CTNNA3: variants seen among roughly 807,000 people sequenced by gnomAD.
CTNNA3 encodes the protein catenin alpha 3, also known as catenin alpha-3.
In CTNNA3, 76 loss-of-function variants were observed where a neutral mutation model predicts 95.7. The ratio of observed to expected loss-of-function variants is 0.79; its 90% confidence interval spans 0.66 to 0.96. The LOEUF is 0.96. Among genes scored for constraint, CTNNA3 ranks in the 40% least tolerant of loss-of-function variants. CTNNA3 has a pLI of 0.00. For missense variants in CTNNA3, 1,191 were observed against 1,089.8 expected (o/e 1.09, Z -1.31); for synonymous variants, 431 against 374.4 (o/e 1.15, Z -1.74).
intron 9 of CTNNA3, among the ~76,000 whole-genome samples, chr10:66,623,558 C>A (rs952227689): frequency 6.6e-6 from 1 of 152,026 alleles, no homozygotes; most frequent in South Asian, 2.1e-4. Context: ...TTATACAACC[C>A]TCTAATGAAA....
At chr10:66,481,722 C>T (rs1211558566) in intron 11 of CTNNA3, among the ~76,000 whole-genome samples, 3 of 134,308 alleles carry the variant, frequency 2.2e-5, no homozygotes, top group African/African-American at 6.9e-5. Flanking sequence ...CCACCCGCCT[C>T]GGCCTCCCAA....
At chr10:67,610,843 G>C (rs1843432979) in intron 2 of CTNNA3, among the ~76,000 whole-genome samples, 1 of 152,190 alleles carries the variant, frequency 6.6e-6, no homozygotes, top group Admixed American at 6.5e-5. Context: ...TTTTGCCATA[G>C]ATACAAAACC....
intron 11 of CTNNA3, among the ~76,000 whole-genome samples, chr10:66,469,291 A>C (rs1349663771): frequency 6.6e-6 from 1 of 151,950 alleles, no homozygotes; most frequent in Non-Finnish European, 1.5e-5. Context: ...ATATTTGAAA[A>C]GCTTGAGATA....
In CTNNA3 at chr10:66,310,127, GA is replaced by G. The variant is rs200586673; in HGVS notation, c.1733-29507del. ...GGTGAGACTCCATCTCAAAAAAAAA[GA>G]AAAAAAAAGGCAAAAAATAATATTC... On this transcript the variant is annotated intron_variant, in intron 12 of 17. Coordinates refer to ENST00000433211, the MANE Select transcript of CTNNA3 (RefSeq NM_013266.4). 5.1e-3 allele frequency among the ~76,000 whole-genome samples: 757 copies of G among 147,728 alleles called. 5 individuals carry two copies. Among genetic ancestry groups the G allele is most frequent in the African/African-American group, 8.5e-3 (341 of 40,206 alleles).
intron 12 of CTNNA3, among the ~76,000 whole-genome samples, chr10:66,360,816 C>CCTT (rs1491560905): frequency 1.4e-4 from 7 of 50,226 alleles, no homozygotes; most frequent in African/African-American, 2.3e-4. Flanking sequence ...TTCCTTCCTT[C>CCTT]CTTTCTTTCT....
chr10:66,419,045 G>A (rs147244744), intron 11 of CTNNA3, among the ~76,000 whole-genome samples: 2 of 152,068 alleles, frequency 1.3e-5, no homozygotes, highest in African/African-American at 4.8e-5. Context: ...GCAAGAGAAA[G>A]AAAAGGCATC....
chr10:66,103,065 C>A, intron 14 of CTNNA3, 92 bp downstream of exon 14: 2 of 986,830 alleles, frequency 2.0e-6, no homozygotes, highest in Non-Finnish European at 3.3e-6. Flanking sequence ...ATCCAGGAGT[C>A]CCACCCATTA....
chr10:66,638,673 C>T (rs1156661259), intron 9 of CTNNA3, among the ~76,000 whole-genome samples: 2 of 152,238 alleles, frequency 1.3e-5, no homozygotes, highest in East Asian at 3.9e-4. Context: ...TGAATTCAGT[C>T]TCTACATAAT....
rs371959686 is a variant in CTNNA3, at chr10:66,459,399, T to C, written c.1531+61218A>G. ...CAATCCTAACCCCTGAATTATTCAATGATCAATCATATACCTAGAAGTAAG... is the reference window on the plus strand; with the variant it reads ...CAATCCTAACCCCTGAATTATTCAACGATCAATCATATACCTAGAAGTAAG... On this transcript the variant is annotated intron_variant, in intron 11 of 17. Transcript: ENST00000433211. 2.6e-5 allele frequency among the ~76,000 whole-genome samples: 4 copies of C among 152,298 alleles called. 1 individual carries two copies. Among genetic ancestry groups the C allele is most frequent in the African/African-American group, 9.6e-5 (4 of 41,572 alleles).
intron 11 of CTNNA3, among the ~76,000 whole-genome samples, chr10:66,391,730 A>G (rs1312876651): frequency 6.6e-6 from 1 of 152,122 alleles, no homozygotes; most frequent in African/African-American, 2.4e-5. Context: ...TTATTGAACC[A>G]TTCTTTATCT....
At chr10:67,545,825 C>A (rs1044845162) in intron 3 of CTNNA3, among the ~76,000 whole-genome samples, 5 of 152,046 alleles carry the variant, frequency 3.3e-5, no homozygotes, top group African/African-American at 9.7e-5. Flanking sequence ...ATAATGAGAA[C>A]AAATATATCT....
At chr10:66,822,425 T>G (rs1842336118) in intron 7 of CTNNA3, among the ~76,000 whole-genome samples, 1 of 152,184 alleles carries the variant, frequency 6.6e-6, no homozygotes, top group African/African-American at 2.4e-5. Context: ...CTATTCCTGA[T>G]TTTCTGGATA....
chr10:66,680,945 T>C (rs970669687), intron 9 of CTNNA3, among the ~76,000 whole-genome samples: 1 of 152,270 alleles, frequency 6.6e-6, no homozygotes, highest in African/African-American at 2.4e-5. Flanking sequence ...TTTTCTTATC[T>C]CTACTCTTGG....
At chr10:65,966,586 T>C (rs370790332) in intron 17 of CTNNA3, 26 bp downstream of exon 17, 35 of 1,584,288 alleles carry the variant, frequency 2.2e-5, no homozygotes, top group Non-Finnish European at 2.9e-5. Context: ...CCACCTGTGA[T>C]CATGTAAGTG....
chr10:67,157,669 C>T (rs927396251), intron 7 of CTNNA3, among the ~76,000 whole-genome samples: 1 of 152,014 alleles, frequency 6.6e-6, no homozygotes, highest in Non-Finnish European at 1.5e-5. Context: ...TTTGTTTTTG[C>T]AATTAGCCGC....
chr10:66,926,782 T>C, intron 7 of CTNNA3: 1 of 965,626 alleles, frequency 1.0e-6, no homozygotes. Flanking sequence ...TTCTCTTTAA[T>C]TACAAAGAGA....
At chr10:66,079,238 G>A (rs539666889) in intron 14 of CTNNA3, 3 of 152,046 alleles carry the variant, frequency 2.0e-5, no homozygotes, top group Middle Eastern at 6.8e-3. Context: ...GAGTTGGATG[G>A]CACCATTTCT....
chr10:67,063,860 C>T (rs927580210), intron 7 of CTNNA3, among the ~76,000 whole-genome samples: 3 of 152,144 alleles, frequency 2.0e-5, no homozygotes, highest in Non-Finnish European at 4.4e-5. Context: ...AAGGATGATG[C>T]TAGCAATCAA....
At chr10:66,090,386 G>A (rs758726899) in intron 14 of CTNNA3, among the ~76,000 whole-genome samples, 2 of 151,936 alleles carry the variant, frequency 1.3e-5, no homozygotes, top group Non-Finnish European at 2.9e-5. Flanking sequence ...GATGACAACC[G>A]TGATAGTGGT....
Sources: gnomAD v4.1 joint callset for allele counts (sites outside exome capture counted in the v4.1 genomes callset) on GRCh38, gnomAD v4.1.1 for gene constraint, MANE v1.5 for transcripts, NCBI Gene and HGNC (gene_info 2026-07-23, HGNC 2026-07-21) for gene names.